Variants in KCND2 observed in about 807,000 individuals in gnomAD.
KCND2 encodes the protein A-type voltage-gated potassium channel KCND2.
KCND2 carries 16 observed loss-of-function variants against 54.4 expected under a neutral mutation model. The ratio of observed to expected loss-of-function variants is 0.29; its 90% CI spans 0.20 to 0.45. The LOEUF (loss-of-function observed/expected upper bound fraction) is 0.45, where lower values mean the gene tolerates loss of function less well. KCND2 is among the 20% of genes least tolerant of loss of function. The pLI, the probability that KCND2 is intolerant of heterozygous loss-of-function variation, is 1.00. For missense variants in KCND2, 486 were observed against 824.2 expected (o/e 0.59, Z 5.02); for synonymous variants, 317 against 310.7 (o/e 1.02, Z -0.21).
chr7:120,654,292 G>T (rs767206747), intron 1 of KCND2, among the ~76,000 whole-genome samples: 1 of 152,042 alleles, frequency 6.6e-6, no homozygotes, highest in Admixed American at 6.6e-5. Context: ...AACTAAACAG[G>T]TATTCAACTG....
chr7:120,436,094 A>G (rs1801862139), intron 1 of KCND2, among the ~76,000 whole-genome samples: 1 of 152,208 alleles, frequency 6.6e-6, no homozygotes, highest in Non-Finnish European at 1.5e-5. Context: ...ACAAAAGGGA[A>G]GATTTTAAAG....
chr7:120,336,277 C>T (rs983304578), intron 1 of KCND2, among the ~76,000 whole-genome samples: 1 of 152,156 alleles, frequency 6.6e-6, no homozygotes, highest in African/African-American at 2.4e-5. Flanking sequence ...TTCGCAGTCC[C>T]AATCTCTTAA....
chr7:120,547,837 AGAAC>A (rs1260817335), intron 1 of KCND2, among the ~76,000 whole-genome samples: 1 of 152,024 alleles, frequency 6.6e-6, no homozygotes, highest in Admixed American at 6.6e-5. Flanking sequence ...TAATATCTTA[AGAAC>A]GTGAGGCAGT....
At chr7:120,314,346 A>T (rs2116319596) in intron 1 of KCND2, among the ~76,000 whole-genome samples, 1 of 152,092 alleles carries the variant, frequency 6.6e-6, no homozygotes, top group South Asian at 2.1e-4. Flanking sequence ...AAAAAAAAAA[A>T]ATGCATTTTT....
intron 1 of KCND2, among the ~76,000 whole-genome samples, chr7:120,592,676 TGC>T (rs1792686522): frequency 6.6e-6 from 1 of 152,266 alleles, no homozygotes; most frequent in African/African-American, 2.4e-5. Flanking sequence ...TCAGTGTGCA[TGC>T]CTCAGCCTTT....
chr7:120,564,964 G>A (rs1430332293), intron 1 of KCND2, among the ~76,000 whole-genome samples: 3 of 152,118 alleles, frequency 2.0e-5, no homozygotes, highest in African/African-American at 4.8e-5. Context: ...ACCTACTCAT[G>A]TAGAGTAACA....
chr7:120,580,297 T>C (rs1159260122), intron 1 of KCND2, among the ~76,000 whole-genome samples: 1 of 152,222 alleles, frequency 6.6e-6, no homozygotes, highest in Non-Finnish European at 1.5e-5. Flanking sequence ...CCTATTTGGC[T>C]TAGCCCTCTT....
intron 1 of KCND2, among the ~76,000 whole-genome samples, chr7:120,514,736 G>A (rs968088757): frequency 8.6e-5 from 13 of 151,950 alleles, no homozygotes; most frequent in African/African-American, 2.4e-4. Context: ...GGATGAAATT[G>A]TTCCACCTCA....
chr7:120,297,307 G>A (rs1799526413), intron 1 of KCND2, among the ~76,000 whole-genome samples: 1 of 151,990 alleles, frequency 6.6e-6, no homozygotes, highest in Non-Finnish European at 1.5e-5. Context: ...GAGAACATTG[G>A]TATTTGTCTT....
intron 1 of KCND2, among the ~76,000 whole-genome samples, chr7:120,691,961 C>A (rs1338208105): frequency 6.6e-6 from 1 of 152,150 alleles, no homozygotes; most frequent in Admixed American, 6.5e-5. Flanking sequence ...GTGTCAAATT[C>A]TGGGTCAAGG....
Position 120,687,247 on chromosome 7 carries a change from T to A in KCND2, c.1116-45656T>A, listed in dbSNP as rs571457685. Reference sequence around the variant, plus strand: ...TCTGCTTCTATAAGTTTGACTGCATTAGTGTCCAGTGGTTGCTGGGGGTTA... The same window carrying A: ...TCTGCTTCTATAAGTTTGACTGCATAAGTGTCCAGTGGTTGCTGGGGGTTA... On this transcript the variant is annotated intron_variant, in intron 1 of 5. Coordinates refer to ENST00000331113, the MANE Select transcript of KCND2 (RefSeq NM_012281.3). Among the ~76,000 whole-genome samples the A allele has an allele frequency of 4.6e-5, 7 of 152,264 alleles. No homozygotes were observed. The East Asian group carries it at 1.4e-3, about 29-fold the overall frequency.
At chr7:120,628,589 T>A (rs762986146) in intron 1 of KCND2, among the ~76,000 whole-genome samples, 5 of 152,306 alleles carry the variant, frequency 3.3e-5, no homozygotes, top group Non-Finnish European at 5.9e-5. Flanking sequence ...TCGAATGAAC[T>A]AAGAATGCTG....
chr7:120,560,038 A>G (rs778470269), intron 1 of KCND2, among the ~76,000 whole-genome samples: 11 of 152,164 alleles, frequency 7.2e-5, no homozygotes, highest in Non-Finnish European at 1.2e-4. Flanking sequence ...TGACTTTCCT[A>G]TTTCTCTACT....
At chr7:120,372,563 A>C (rs1334546286) in intron 1 of KCND2, among the ~76,000 whole-genome samples, 1 of 151,918 alleles carries the variant, frequency 6.6e-6, no homozygotes, top group Non-Finnish European at 1.5e-5. Context: ...TAGTTTTCAG[A>C]CCTAGAAAAA....
chr7:120,375,886 G>C (rs976676767), intron 1 of KCND2, among the ~76,000 whole-genome samples: 3 of 151,714 alleles, frequency 2.0e-5, no homozygotes, highest in Non-Finnish European at 4.4e-5. Flanking sequence ...GATATGTAGG[G>C]CTTTAGTGGG....
chr7:120,567,161 T>C (rs1236950746), intron 1 of KCND2, among the ~76,000 whole-genome samples: 1 of 152,196 alleles, frequency 6.6e-6, no homozygotes, highest in Admixed American at 6.5e-5. Flanking sequence ...AAACTAACAC[T>C]ATTATTTTCC....
At chr7:120,518,103 G>T (rs1803221760) in intron 1 of KCND2, among the ~76,000 whole-genome samples, 1 of 152,152 alleles carries the variant, frequency 6.6e-6, no homozygotes, top group Non-Finnish European at 1.5e-5. Context: ...TCTACACAAA[G>T]TGAACATCGG....
At chr7:120,622,428 G>A (rs1269080197) in intron 1 of KCND2, among the ~76,000 whole-genome samples, 1 of 151,912 alleles carries the variant, frequency 6.6e-6, no homozygotes, top group Non-Finnish European at 1.5e-5. Flanking sequence ...TTTATCCAAA[G>A]ATTTTTTGCC....
chr7:120,475,627 A>G (rs1802523684), intron 1 of KCND2, among the ~76,000 whole-genome samples: 1 of 152,222 alleles, frequency 6.6e-6, no homozygotes, highest in African/African-American at 2.4e-5. Flanking sequence ...TCAAATAACA[A>G]CATGGTGGAG....
Sources: allele counts gnomAD v4.1 joint callset (sites outside exome capture counted in the v4.1 genomes callset), GRCh38; gene constraint gnomAD v4.1.1; transcripts MANE v1.5; gene names NCBI Gene and HGNC (gene_info 2026-07-23, HGNC 2026-07-21).